ASCC3: variants seen among roughly 807,000 people sequenced by gnomAD.
ASCC3 encodes ASC-1 complex subunit P200.
ASCC3 carries 158 observed loss-of-function variants against 256.3 expected under a neutral mutation model. That is an observed-to-expected ratio of 0.62 (90% CI 0.54 to 0.70). The LOEUF (loss-of-function observed/expected upper bound fraction) is 0.70, where lower values mean the gene tolerates loss of function less well. Among genes scored for constraint, ASCC3 ranks in the 30% least tolerant of loss-of-function variants. The probability of loss-of-function intolerance (pLI) is 0.00; values close to 1 mark genes in which losing one functional copy is unlikely to be tolerated. For missense variants in ASCC3, 2,259 were observed against 2,626.0 expected (o/e 0.86, Z 3.05); for synonymous variants, 948 against 883.4 (o/e 1.07, Z -1.30).
chr6:100,775,370 T>A (rs565326867), intron 8 of ASCC3, among the ~76,000 whole-genome samples: 1 of 152,056 alleles, frequency 6.6e-6, no homozygotes, highest in Admixed American at 6.6e-5. Context: ...CTAAAAGATA[T>A]TTTAGAGACT....
chr6:100,824,682 A>C (rs1346171899), intron 4 of ASCC3, among the ~76,000 whole-genome samples: 1 of 151,684 alleles, frequency 6.6e-6, no homozygotes, highest in Non-Finnish European at 1.5e-5. Flanking sequence ...AAGACATATT[A>C]AATAAAATAA....
rs34204223 is a variant in ASCC3 at position 100,870,217 on chromosome 6, AT to A, written c.-41-2180del. Reference sequence around the variant, plus strand: ...AAAAAATGCATATTTTTAAAAATGCATTTTTAATGCATTTTTTAATGCATTT... The same window carrying A: ...AAAAAATGCATATTTTTAAAAATGCATTTTAATGCATTTTTTAATGCATTT... On this transcript the variant is annotated intron_variant, in intron 1 of 41. Coordinates refer to ENST00000369162, the MANE Select transcript of ASCC3 (RefSeq NM_006828.4). Among the ~76,000 whole-genome samples the A allele has an allele frequency of 2.0e-3, 296 of 150,824 alleles. 1 individual carries two copies. Among genetic ancestry groups the A allele is most frequent in the Non-Finnish European group, 1.8e-3 (121 of 67,548 alleles).
At chr6:100,588,416 C>T (rs938583097) in intron 36 of ASCC3, among the ~76,000 whole-genome samples, 2 of 152,108 alleles carry the variant, frequency 1.3e-5, no homozygotes, top group African/African-American at 4.8e-5. Context: ...ACAGTCTCTT[C>T]CCCAGAGAAA....
chr6:100,630,815 C>T (rs58286473), intron 26 of ASCC3, among the ~76,000 whole-genome samples: 149 of 151,976 alleles, frequency 9.8e-4, no homozygotes, highest in African/African-American at 3.5e-3. Context: ...AATAGAGAGG[C>T]AGAACTTATT....
At chr6:100,534,295 C>T (rs1429001975) in intron 37 of ASCC3, among the ~76,000 whole-genome samples, 1 of 152,110 alleles carries the variant, frequency 6.6e-6, no homozygotes, top group Non-Finnish European at 1.5e-5. Context: ...ACAAAAAATA[C>T]ACAAAAAAGG....
At chr6:100,849,839 C>T (rs1213627690) in intron 3 of ASCC3, among the ~76,000 whole-genome samples, 2 of 152,028 alleles carry the variant, frequency 1.3e-5, no homozygotes, top group Non-Finnish European at 2.9e-5. Context: ...GTTGCTCCCG[C>T]CTGTAATCCC....
At chr6:100,517,048 C>T (rs1354060236) in intron 38 of ASCC3, among the ~76,000 whole-genome samples, 3 of 151,990 alleles carry the variant, frequency 2.0e-5, no homozygotes, top group Admixed American at 1.3e-4. Flanking sequence ...GGGTTATCTG[C>T]CTTTCTCCCC....
At chr6:100,519,802 T>C (rs1045330621) in intron 37 of ASCC3, among the ~76,000 whole-genome samples, 8 of 152,158 alleles carry the variant, frequency 5.3e-5, no homozygotes, top group Admixed American at 4.6e-4. Flanking sequence ...AGTTGAAAGA[T>C]TTCATAAAAC....
At chr6:100,793,061 A>T (rs1346671399) in intron 8 of ASCC3, among the ~76,000 whole-genome samples, 1 of 151,966 alleles carries the variant, frequency 6.6e-6, no homozygotes, top group Non-Finnish European at 1.5e-5. Context: ...ATCCTACAAG[A>T]TCTGAAAAGC....
chr6:100,627,532 T>A, intron 29 of ASCC3, 58 bp downstream of exon 29: 1 of 1,603,490 alleles, frequency 6.2e-7, no homozygotes, highest in East Asian at 2.2e-5. Context: ...AATTAGAAGA[T>A]ATTTGATAGC....
At chr6:100,874,737 T>G (rs1331958761) in intron 1 of ASCC3, among the ~76,000 whole-genome samples, 1 of 152,042 alleles carries the variant, frequency 6.6e-6, no homozygotes, top group Non-Finnish European at 1.5e-5. Flanking sequence ...GAAAAATAGT[T>G]GCAATAATTA....
Position 100,615,584 on chromosome 6 carries a change from A to G in ASCC3, c.4786-8496T>C, listed in dbSNP as rs182479610. ...AAATGTGATAATATAAACTTTAATG[A>G]ATTCTAAAGTACTCTATATAAATAC... On this transcript the variant is annotated intron_variant, in intron 30 of 41. Coordinates refer to ENST00000369162, the MANE Select transcript of ASCC3 (RefSeq NM_006828.4). Among the ~76,000 whole-genome samples the G allele has an allele frequency of 3.3e-3, 505 of 152,318 alleles. 1 individual carries two copies. The highest frequency in any genetic ancestry group is 4.4e-3 in the Non-Finnish European group (300 of 68,026).
In ASCC3 at chr6:100,717,222, T is replaced by C. The variant is rs371715677; in HGVS notation, c.2079+853A>G. 2.0e-5 allele frequency among the ~76,000 whole-genome samples: 3 copies of C among 152,114 alleles called. No homozygotes were observed. In the East Asian group the frequency reaches 5.8e-4, roughly 29 times the overall value. ...GTCACTTTGGATATTTTTAGGTGAA[T>C]ATTTTACCTATAATAGTACAAGGTA... On this transcript the variant is annotated intron_variant, in intron 12 of 41. Transcript: ENST00000369162.
At chr6:100,867,683 C>G (rs982954056) in intron 2 of ASCC3, among the ~76,000 whole-genome samples, 6 of 152,040 alleles carry the variant, frequency 3.9e-5, no homozygotes, top group African/African-American at 1.4e-4. Flanking sequence ...ACAAAGGATT[C>G]AATTATCATA....
chr6:100,547,709 A>G (rs1310648226), intron 36 of ASCC3, among the ~76,000 whole-genome samples: 1 of 152,006 alleles, frequency 6.6e-6, no homozygotes, highest in Non-Finnish European at 1.5e-5. Flanking sequence ...AGATGTTCCA[A>G]TTTCTTTGGA....
At chr6:100,535,950 T>C (rs960998331) in intron 37 of ASCC3, among the ~76,000 whole-genome samples, 3 of 152,164 alleles carry the variant, frequency 2.0e-5, no homozygotes, top group African/African-American at 7.2e-5. Flanking sequence ...TGAGGGAATA[T>C]AGTGTAGCCA....
intron 10 of ASCC3, among the ~76,000 whole-genome samples, chr6:100,737,557 T>A (rs1780239140): frequency 6.6e-6 from 1 of 152,186 alleles, no homozygotes; most frequent in South Asian, 2.1e-4. Context: ...AAGGGTATGA[T>A]CTCATTCCTT....
At chr6:100,622,152 T>C (rs1773982203) in intron 30 of ASCC3, among the ~76,000 whole-genome samples, 1 of 152,032 alleles carries the variant, frequency 6.6e-6, no homozygotes, top group African/African-American at 2.4e-5. Context: ...AGGTGATGGA[T>C]TGATCTGTGC....
chr6:100,570,228 G>A (rs1409523660), intron 36 of ASCC3, among the ~76,000 whole-genome samples: 1 of 152,132 alleles, frequency 6.6e-6, no homozygotes, highest in Non-Finnish European at 1.5e-5. Context: ...CACCACCAAA[G>A]AGAGATAGTT....
Sources: gnomAD v4.1 joint callset for allele counts (sites outside exome capture counted in the v4.1 genomes callset) on GRCh38, gnomAD v4.1.1 for gene constraint, MANE v1.5 for transcripts, NCBI Gene and HGNC (gene_info 2026-07-23, HGNC 2026-07-21) for gene names.